Variants in MAPK10 observed in about 807,000 individuals in gnomAD.
MAPK10 encodes the protein mitogen-activated protein kinase 10, also known as JNK3 alpha protein kinase.
A neutral mutation model predicts 59.3 loss-of-function variants in MAPK10; 25 were observed. The ratio of observed to expected loss-of-function variants is 0.42; its 90% CI spans 0.31 to 0.59. The LOEUF (loss-of-function observed/expected upper bound fraction) is 0.59, where lower values mean the gene tolerates loss of function less well. Among genes scored for constraint, MAPK10 ranks in the 20% least tolerant of loss-of-function variants. The pLI, the probability that MAPK10 is intolerant of heterozygous loss-of-function variation, is 0.15. For missense variants in MAPK10, 351 were observed against 568.9 expected (o/e 0.62, Z 3.90); for synonymous variants, 190 against 200.5 (o/e 0.95, Z 0.44).
chr4:86,379,179 G>A lies in MAPK10; in HGVS notation c.-121-24535C>T, dbSNP rs146689499. ...CTGGAACTTTATTCTGCAGCCCAAC[G>A]AATCCTCCTTAAGTCCCGGCCTAGC... On this transcript the variant is annotated intron_variant, in intron 1 of 13. Transcript: ENST00000361569. 5.9e-5 allele frequency among the ~76,000 whole-genome samples: 9 copies of A among 152,268 alleles called. No individual in the cohort carries two copies. The East Asian group carries it at 1.2e-3, about 20-fold the overall frequency.
At chr4:86,169,328 C>G (rs559838111) in intron 3 of MAPK10, among the ~76,000 whole-genome samples, 8 of 152,016 alleles carry the variant, frequency 5.3e-5, no homozygotes, top group African/African-American at 1.9e-4. Context: ...AAAATTTAGA[C>G]GAATGTATAA....
intron 1 of MAPK10, among the ~76,000 whole-genome samples, chr4:86,406,306 G>A (rs997116647): frequency 6.6e-6 from 1 of 152,122 alleles, no homozygotes. Flanking sequence ...AATTAGAAAC[G>A]CTGGAATTGA....
intron 2 of MAPK10, among the ~76,000 whole-genome samples, chr4:86,298,968 A>G (rs572399725): frequency 6.6e-6 from 1 of 152,318 alleles, no homozygotes; most frequent in Admixed American, 6.5e-5. Context: ...TGACATTAAT[A>G]GTTGGTGCTA....
intron 2 of MAPK10, among the ~76,000 whole-genome samples, chr4:86,210,096 C>T (rs2085355705): frequency 6.6e-6 from 1 of 152,050 alleles, no homozygotes; most frequent in South Asian, 2.1e-4. Flanking sequence ...AAACTAGACC[C>T]TAATCTCTCA....
In MAPK10 at chr4:86,322,878, A is replaced by G. The variant is rs144390650; in HGVS notation, c.-7+31652T>C. ...CAGATATCAGGGAAGAAAATCATCC[A>G]TTTTAAAAATTAGCATTAGCATTGC... is the stretch of plus-strand genomic sequence containing the variant. On this transcript the variant is annotated intron_variant, in intron 2 of 13. Transcript: ENST00000641462. 3.3e-4 allele frequency among the ~76,000 whole-genome samples: 50 copies of G among 152,346 alleles called. No individual in the cohort carries two copies. The East Asian group carries it at 9.3e-3, about 28-fold the overall frequency.
At chr4:86,102,291 C>G (rs933757283) in intron 6 of MAPK10, 14 of 358,862 alleles carry the variant, frequency 3.9e-5, no homozygotes, top group South Asian at 8.3e-5. Context: ...CTTTCACTTT[C>G]CCCTGTATTC....
intron 1 of MAPK10, among the ~76,000 whole-genome samples, chr4:86,563,706 T>C (rs1760845273): frequency 6.6e-6 from 1 of 152,184 alleles, no homozygotes. Flanking sequence ...ACCTACTAAG[T>C]AACTAATGGG....
At chr4:86,386,779 T>C (rs1383568869) in intron 1 of MAPK10, among the ~76,000 whole-genome samples, 1 of 152,168 alleles carries the variant, frequency 6.6e-6, no homozygotes. Context: ...CAAAAAGCCT[T>C]AGTATACTAC....
At chr4:86,219,215 G>T (rs1020302684) in intron 2 of MAPK10, among the ~76,000 whole-genome samples, 3 of 152,110 alleles carry the variant, frequency 2.0e-5, no homozygotes, top group Non-Finnish European at 4.4e-5. Context: ...ATTGGGGGCA[G>T]ATTTCTCAGA....
intron 2 of MAPK10, among the ~76,000 whole-genome samples, chr4:86,332,920 G>A (rs529100743): frequency 6.6e-6 from 1 of 152,246 alleles, no homozygotes; most frequent in South Asian, 2.1e-4. Context: ...TGACTAATAG[G>A]TAATGGTAGT....
intron 1 of MAPK10, among the ~76,000 whole-genome samples, chr4:86,367,358 G>C (rs1738061685): frequency 6.6e-6 from 1 of 152,068 alleles, no homozygotes; most frequent in Non-Finnish European, 1.5e-5. Flanking sequence ...TATCTTTCAT[G>C]ATACTATTAG....
intron 9 of MAPK10, among the ~76,000 whole-genome samples, chr4:86,083,686 T>C (rs1325839754): frequency 6.6e-6 from 1 of 152,036 alleles, no homozygotes; most frequent in Non-Finnish European, 1.5e-5. Context: ...CAATGGACTT[T>C]TGGGGCATGT....
At chr4:86,126,789 C>T (rs1202057550) in intron 4 of MAPK10, among the ~76,000 whole-genome samples, 1 of 152,030 alleles carries the variant, frequency 6.6e-6, no homozygotes, top group African/African-American at 2.4e-5. Context: ...AAATCGCCCT[C>T]CTCCAATCTA....
intron 2 of MAPK10, among the ~76,000 whole-genome samples, chr4:86,205,902 G>A (rs1029708964): frequency 1.3e-5 from 2 of 151,784 alleles, no homozygotes; most frequent in Non-Finnish European, 2.9e-5. Flanking sequence ...TTCCCTCTCA[G>A]ATTTAATAAA....
rs574621895 is a variant in MAPK10 at position 86,558,591 on chromosome 4, A to G, written c.-263+35319T>C. Among the ~76,000 whole-genome samples the G allele has an allele frequency of 2.0e-5, 3 of 152,250 alleles. No homozygotes were observed. The East Asian group carries it at 5.8e-4, about 29-fold the overall frequency. On this transcript the variant is annotated intron_variant, in intron 1 of 4. Transcript: ENST00000502302. The stretch of plus-strand genomic sequence containing the variant: ...GGCGTCTTCATTTCTCTTTCCTATC[A>G]GTATCAATGTTTCAACATTCTCAAC...
Position 86,066,256 on chromosome 4 carries a change from G to A in MAPK10, c.985+1517C>T, listed in dbSNP as rs559921828. Among the ~76,000 whole-genome samples the A allele has an allele frequency of 1.6e-4, 25 of 152,050 alleles. No individual in the cohort carries two copies. The East Asian group carries it at 2.9e-3, about 18-fold the overall frequency. On this transcript the variant is annotated intron_variant, in intron 10 of 13. Transcript: ENST00000641462. Reference sequence around the variant, plus strand: ...TACTTTCAAATTAAAACTCTGTACCGCACAGGAATAACAAAAATACAGAAA... The same window carrying A: ...TACTTTCAAATTAAAACTCTGTACCACACAGGAATAACAAAAATACAGAAA...
intron 1 of MAPK10, among the ~76,000 whole-genome samples, chr4:86,548,834 A>C (rs1759515602): frequency 6.6e-6 from 1 of 152,192 alleles, no homozygotes; most frequent in African/African-American, 2.4e-5. Flanking sequence ...GCTTAGAAGG[A>C]CATCTCGTAT....
At chr4:86,242,482 C>T (rs917088276) in intron 2 of MAPK10, among the ~76,000 whole-genome samples, 3 of 152,202 alleles carry the variant, frequency 2.0e-5, no homozygotes, top group Admixed American at 6.5e-5. Flanking sequence ...AGACTGCAGC[C>T]GCCCCTCCCG....
intron 4 of MAPK10, among the ~76,000 whole-genome samples, chr4:86,110,641 T>C (rs1438205753): frequency 2.0e-5 from 3 of 152,216 alleles, no homozygotes; most frequent in Non-Finnish European, 4.4e-5. Flanking sequence ...TGCAGCCTTG[T>C]AGTATAGTTT....
Sources: gnomAD v4.1 joint callset for allele counts (sites outside exome capture counted in the v4.1 genomes callset) on GRCh38, gnomAD v4.1.1 for gene constraint, MANE v1.5 for transcripts, NCBI Gene and HGNC (gene_info 2026-07-23, HGNC 2026-07-21) for gene names.